CSMD1: variants seen among roughly 807,000 people sequenced by gnomAD.
The protein encoded by CSMD1 is CUB and Sushi multiple domains 1, also known as CUB and sushi domain-containing protein 1.
Under a neutral mutation model 417.5 loss-of-function variants are expected in CSMD1, and 213 were observed. The ratio of observed to expected loss-of-function variants is 0.51; its 90% confidence interval spans 0.46 to 0.57. The LOEUF is 0.57. CSMD1 is among the 20% of genes least tolerant of loss of function. The probability of loss-of-function intolerance (pLI) is 0.00; values close to 1 mark genes in which losing one functional copy is unlikely to be tolerated. For missense variants in CSMD1, 6,923 were observed against 4,529.7 expected (o/e 1.53, Z -15.17); for synonymous variants, 2,862 against 1,736.8 (o/e 1.65, Z -16.11).
chr8:3,606,376 G>T (rs748727144), intron 8 of CSMD1, among the ~76,000 whole-genome samples: 1 of 152,170 alleles, frequency 6.6e-6, no homozygotes. Context: ...CATACGGCAT[G>T]TTACTGTACT....
chr8:3,562,374 GCA>G (rs900354072), intron 10 of CSMD1, among the ~76,000 whole-genome samples: 34 of 149,782 alleles, frequency 2.3e-4, no homozygotes, highest in African/African-American at 4.4e-4. Flanking sequence ...ACACACACAT[GCA>G]CACACACACA....
intron 37 of CSMD1, among the ~76,000 whole-genome samples, chr8:3,164,903 C>T (rs1028223060): frequency 6.6e-6 from 1 of 151,980 alleles, no homozygotes; most frequent in African/African-American, 2.4e-5. Flanking sequence ...GCAGTTATTA[C>T]ATATTGATTT....
At chr8:4,764,256 T>C (rs1474482000) in intron 1 of CSMD1, among the ~76,000 whole-genome samples, 1 of 152,222 alleles carries the variant, frequency 6.6e-6, no homozygotes. Flanking sequence ...ATTAGGGAAA[T>C]ATATTCTCTA....
chr8:3,387,783 A>T, intron 17 of CSMD1, 101 bp from the exon 18 acceptor site: 1 of 962,726 alleles, frequency 1.0e-6, no homozygotes, highest in Non-Finnish European at 1.5e-6. Flanking sequence ...AGAAATAATA[A>T]GACCTGAAAC....
intron 5 of CSMD1, among the ~76,000 whole-genome samples, chr8:3,964,522 T>C (rs1415958035): frequency 6.6e-6 from 1 of 152,154 alleles, no homozygotes; most frequent in Non-Finnish European, 1.5e-5. Context: ...CAAGCTCTCA[T>C]AGGAAGAAAT....
Position 4,238,344 on chromosome 8 carries a change from C to A in CSMD1, c.415+181609G>T, listed in dbSNP as rs549517017. The stretch of plus-strand genomic sequence containing the variant: ...CAGCATGTGCGCGAGGGTGGTCCTC[C>A]AGCTCCCAGCAAGGACTGGGGCAGC... On this transcript the variant is annotated intron_variant, in intron 3 of 69. Coordinates refer to ENST00000635120, the MANE Select transcript of CSMD1 (RefSeq NM_033225.6). 6.6e-5 allele frequency among the ~76,000 whole-genome samples: 10 copies of A among 152,306 alleles called. No individual in the cohort carries two copies. In the East Asian group the frequency reaches 1.9e-3, roughly 29 times the overall value.
intron 3 of CSMD1, among the ~76,000 whole-genome samples, chr8:4,058,138 T>A (rs543600323): frequency 6.6e-6 from 1 of 152,300 alleles, no homozygotes; most frequent in East Asian, 1.9e-4. Flanking sequence ...ATGGCCATTT[T>A]CACGATATTG....
chr8:3,640,557 G>A (rs1797257001), intron 7 of CSMD1, among the ~76,000 whole-genome samples: 1 of 152,120 alleles, frequency 6.6e-6, no homozygotes, highest in South Asian at 2.1e-4. Context: ...TTTTCCACTG[G>A]ATTGGACAAG....
At chr8:3,251,345 G>C (rs1237370702) in intron 26 of CSMD1, among the ~76,000 whole-genome samples, 10 of 152,040 alleles carry the variant, frequency 6.6e-5, no homozygotes, top group Non-Finnish European at 8.8e-5. Context: ...GCTTGTTTTT[G>C]TCAGGTTTGT....
intron 1 of CSMD1, among the ~76,000 whole-genome samples, chr8:4,685,585 A>AAAAGAAAGAAAGAAAGAAAG (rs375278505): frequency 6.6e-6 from 1 of 151,966 alleles, no homozygotes; most frequent in African/African-American, 2.4e-5. Context: ...TTAAAAGAAA[A>AAAAGAAAGAAAGAAAGAAAG]AAAGAAAGAA....
At chr8:4,363,415 C>T (rs1250164041) in intron 3 of CSMD1, among the ~76,000 whole-genome samples, 2 of 152,184 alleles carry the variant, frequency 1.3e-5, no homozygotes, top group African/African-American at 2.4e-5. Flanking sequence ...TTCTGGCCTC[C>T]AGGATTTTAT....
intron 3 of CSMD1, among the ~76,000 whole-genome samples, chr8:4,290,186 A>C (rs1000050720): frequency 6.6e-6 from 1 of 152,154 alleles, no homozygotes; most frequent in Non-Finnish European, 1.5e-5. Flanking sequence ...TGGACTTTTG[A>C]AAGAATCAGT....
chr8:4,635,346 T>TGTCGATCC (rs1802760321), intron 2 of CSMD1, among the ~76,000 whole-genome samples: 3 of 152,156 alleles, frequency 2.0e-5, no homozygotes, highest in Non-Finnish European at 4.4e-5. Flanking sequence ...TCGATCCTGT[T>TGTCGATCC]ATAATATTGA....
At chr8:3,373,183 T>C (rs1028652220) in intron 18 of CSMD1, among the ~76,000 whole-genome samples, 1 of 152,172 alleles carries the variant, frequency 6.6e-6, no homozygotes, top group African/African-American at 2.4e-5. Flanking sequence ...AAACAATCAA[T>C]CTTTATTTTA....
chr8:4,672,651 G>A (rs1039590389), intron 1 of CSMD1, among the ~76,000 whole-genome samples: 1 of 151,640 alleles, frequency 6.6e-6, no homozygotes, highest in Non-Finnish European at 1.5e-5. Context: ...AATAATGCCA[G>A]GTGCTTGAAA....
rs1044749794 is a variant in CSMD1, at chr8:4,969,959, G to A, written c.85+24373C>T. ...AACTGGATGCAAACATGAAACATTT[G>A]TGTATTTTACATACGTACCATGCCT... On this transcript the variant is annotated intron_variant, in intron 1 of 69. Transcript: ENST00000635120. Among the ~76,000 whole-genome samples, 3 of 151,912 alleles carry A rather than the reference G, an allele frequency of 2.0e-5. No homozygotes were observed. The East Asian group carries it at 5.8e-4, about 29-fold the overall frequency.
At chr8:4,289,621 G>T (rs565056052) in intron 3 of CSMD1, among the ~76,000 whole-genome samples, 1 of 152,298 alleles carries the variant, frequency 6.6e-6, no homozygotes, top group African/African-American at 2.4e-5. Flanking sequence ...TGATGGTGGG[G>T]ATCTGCTGGA....
intron 8 of CSMD1, among the ~76,000 whole-genome samples, chr8:3,613,120 G>A (rs572075841): frequency 6.6e-6 from 1 of 151,880 alleles, no homozygotes; most frequent in Non-Finnish European, 1.5e-5. Flanking sequence ...GGATAATAAA[G>A]AAAGATAAGA....
intron 3 of CSMD1, among the ~76,000 whole-genome samples, chr8:4,293,342 A>G (rs1797478189): frequency 6.6e-6 from 1 of 152,346 alleles, no homozygotes; most frequent in South Asian, 2.1e-4. Flanking sequence ...TTGTGCAAAT[A>G]TTAATATCTT....
Sources: allele counts gnomAD v4.1 joint callset (sites outside exome capture counted in the v4.1 genomes callset), GRCh38; gene constraint gnomAD v4.1.1; transcripts MANE v1.5; gene names NCBI Gene and HGNC (gene_info 2026-07-23, HGNC 2026-07-21).